The following POU6F2 variants were observed in gnomAD, a reference collection of about 807,000 sequenced individuals.
The protein encoded by POU6F2 is POU class 6 homeobox 2.
Under a neutral mutation model 71.3 loss-of-function variants are expected in POU6F2, and 31 were observed. That is an observed-to-expected ratio of 0.43 (90% CI 0.33 to 0.59). The LOEUF (loss-of-function observed/expected upper bound fraction) is 0.59, where lower values mean the gene tolerates loss of function less well. POU6F2 is among the 20% of genes least tolerant of loss of function. The pLI is 0.04. For missense variants in POU6F2, 783 were observed against 856.8 expected (o/e 0.91, Z 1.07); for synonymous variants, 347 against 355.7 (o/e 0.98, Z 0.27).
At chr7:39,123,364 C>G (rs551029284) in intron 2 of POU6F2, among the ~76,000 whole-genome samples, 53 of 152,272 alleles carry the variant, frequency 3.5e-4, no homozygotes, top group African/African-American at 1.2e-3. Context: ...CAATCCAAAA[C>G]ACAGACAGGA....
intron 2 of POU6F2, among the ~76,000 whole-genome samples, chr7:39,086,753 G>T (rs1161076845): frequency 6.6e-6 from 1 of 152,100 alleles, no homozygotes; most frequent in Non-Finnish European, 1.5e-5. Flanking sequence ...AAAGACATCT[G>T]TCATTCAAAC....
At chr7:38,983,909 G>A (rs1363787013) in intron 1 of POU6F2, among the ~76,000 whole-genome samples, 1 of 152,038 alleles carries the variant, frequency 6.6e-6, no homozygotes, top group African/African-American at 2.4e-5. Flanking sequence ...TTTTCAGGTT[G>A]GCTGGTCTTC....
At chr7:39,315,689 C>T (rs1785251794) in intron 4 of POU6F2, among the ~76,000 whole-genome samples, 3 of 152,148 alleles carry the variant, frequency 2.0e-5, no homozygotes, top group Admixed American at 1.3e-4. Flanking sequence ...GGATCTCTCC[C>T]TTAAGTCCTG....
chr7:39,332,754 C>T (rs1195971821), intron 4 of POU6F2, among the ~76,000 whole-genome samples: 1 of 152,100 alleles, frequency 6.6e-6, no homozygotes, highest in Non-Finnish European at 1.5e-5. Flanking sequence ...TGGTGTCCTG[C>T]AGTTTCATGG....
chr7:39,328,452 C>T (rs1785565906), intron 4 of POU6F2, among the ~76,000 whole-genome samples: 1 of 152,146 alleles, frequency 6.6e-6, no homozygotes, highest in African/African-American at 2.4e-5. Context: ...AAGGTTCATG[C>T]CACAGTTGGT....
rs869182741 is a variant in POU6F2, at chr7:38,998,838, T to TTG, written c.105+20781_105+20782insGT. Among the ~76,000 whole-genome samples the TTG allele has an allele frequency of 8.8e-4, 125 of 141,368 alleles. 2 individuals carry two copies. The highest frequency in any genetic ancestry group is 1.7e-3 in the African/African-American group (63 of 37,832). The allele number at this position is 141,368 out of a possible 152,430, so 92.7% of individuals were successfully genotyped here. A position where few individuals can be genotyped will look rare whatever the true frequency, so the allele number is the denominator to read the frequency against. ...CTAATTTTTTTTTTTTTTTTTTTTTTTATTTTCAGTAGAGACCAGGTTTTA... is the reference window on the plus strand; with the variant it reads ...CTAATTTTTTTTTTTTTTTTTTTTTTTGTATTTTCAGTAGAGACCAGGTTTTA... On this transcript the variant is annotated intron_variant, in intron 1 of 9. Transcript: ENST00000518318.
At chr7:39,207,854 T>C (rs73367217) in intron 4 of POU6F2, among the ~76,000 whole-genome samples, 2,595 of 152,332 alleles carry the variant, frequency 0.017, 66 homozygotes, top group African/African-American at 0.059. Context: ...TCAAAACTTT[T>C]CAGGACTCCT....
chr7:39,420,129 C>T (rs111385808), intron 6 of POU6F2, among the ~76,000 whole-genome samples: 2 of 152,208 alleles, frequency 1.3e-5, no homozygotes, highest in African/African-American at 4.8e-5. Flanking sequence ...GAACAAATAA[C>T]ATGGACAAAA....
intron 2 of POU6F2, among the ~76,000 whole-genome samples, chr7:39,178,517 A>G (rs1018838933): frequency 2.0e-5 from 3 of 152,304 alleles, no homozygotes; most frequent in Admixed American, 1.3e-4. Flanking sequence ...CTACCCATGC[A>G]GAAACTCTCT....
At position 39,296,882 on chromosome 7, in the gene POU6F2, A is replaced by C. The variant is rs1333160594; in HGVS notation, c.599-42760A>C. Among the ~76,000 whole-genome samples, 4 of 152,222 alleles carry C rather than the reference A, an allele frequency of 2.6e-5. No individual in the cohort carries two copies. In the East Asian group the frequency reaches 7.7e-4, roughly 29 times the overall value. ...AATGCATGAATGAACGAATCAATGA[A>C]TGAATGAGTTTAACTGCTTCATAAA... On this transcript the variant is annotated intron_variant, in intron 4 of 9. Transcript: ENST00000518318.
chr7:39,421,978 T>C lies in POU6F2; in HGVS notation c.1114-11099T>C, dbSNP rs564803040. Among the ~76,000 whole-genome samples the C allele has an allele frequency of 2.0e-5, 3 of 152,346 alleles. No individual in the cohort carries two copies. In the East Asian group the frequency reaches 5.8e-4, roughly 29 times the overall value. On this transcript the variant is annotated intron_variant, in intron 6 of 9. Transcript: ENST00000518318. ...AACTTAAAGTTCAGGCAAAGCCATA[T>C]AAAGGCTCACGAAGTTGGTCTTTCC...
At chr7:39,138,784 G>A (rs1792437174) in intron 2 of POU6F2, among the ~76,000 whole-genome samples, 1 of 152,172 alleles carries the variant, frequency 6.6e-6, no homozygotes. Flanking sequence ...CCAGGTCCAT[G>A]GAAGAAATGG....
At chr7:39,457,933 A>T (rs1028425321) in intron 8 of POU6F2, among the ~76,000 whole-genome samples, 1 of 151,774 alleles carries the variant, frequency 6.6e-6, no homozygotes, top group East Asian at 1.9e-4. Context: ...CTCAGCTATT[A>T]TTTTATTATC....
intron 4 of POU6F2, among the ~76,000 whole-genome samples, chr7:39,286,479 C>T (rs1440156042): frequency 1.3e-5 from 2 of 152,160 alleles, no homozygotes; most frequent in African/African-American, 4.8e-5. Context: ...GTAAAATGTT[C>T]GAGTTACCCG....
At chr7:39,156,772 C>A (rs1347170891) in intron 2 of POU6F2, among the ~76,000 whole-genome samples, 1 of 152,158 alleles carries the variant, frequency 6.6e-6, no homozygotes, top group Non-Finnish European at 1.5e-5. Context: ...AACCAGTGTT[C>A]CCAACCCCTC....
At chr7:39,104,105 C>T (rs1269910494) in intron 2 of POU6F2, among the ~76,000 whole-genome samples, 1 of 152,176 alleles carries the variant, frequency 6.6e-6, no homozygotes, top group Non-Finnish European at 1.5e-5. Flanking sequence ...CCCTGCTTAG[C>T]CTGAGACACG....
rs1292409409 is a variant in POU6F2 at position 39,314,537 on chromosome 7, A to G, written c.599-25105A>G. 1.3e-5 allele frequency among the ~76,000 whole-genome samples: 2 copies of G among 152,154 alleles called. 1 individual carries two copies. Among genetic ancestry groups the G allele is most frequent in the Non-Finnish European group, 2.9e-5 (2 of 68,024 alleles). Reference sequence around the variant, plus strand: ...GGAAGAGCATGAAACAAACATTTGTATTTGTTTGCTTTTCTGTTTTGTCAC... The same window carrying G: ...GGAAGAGCATGAAACAAACATTTGTGTTTGTTTGCTTTTCTGTTTTGTCAC... On this transcript the variant is annotated intron_variant, in intron 4 of 9. Coordinates refer to ENST00000518318, the MANE Select transcript of POU6F2 (RefSeq NM_001370959.1).
chr7:39,200,283 G>T (rs12056218), intron 2 of POU6F2, among the ~76,000 whole-genome samples: 15,582 of 152,174 alleles, frequency 0.1, 896 homozygotes, highest in Middle Eastern at 0.14. Context: ...ACATTCACGT[G>T]AGCTACGCTT....
At chr7:39,056,660 C>CTGTGTG (rs1242427555) in intron 1 of POU6F2, among the ~76,000 whole-genome samples, 28 of 98,818 alleles carry the variant, frequency 2.8e-4, no homozygotes, top group East Asian at 2.9e-4. Context: ...CTCTCTCTCT[C>CTGTGTG]TCTGTGTGTG....
Sources: gnomAD v4.1 joint callset for allele counts (sites outside exome capture counted in the v4.1 genomes callset) on GRCh38, gnomAD v4.1.1 for gene constraint, MANE v1.5 for transcripts, NCBI Gene and HGNC (gene_info 2026-07-23, HGNC 2026-07-21) for gene names.